Variants in AFTPH observed in about 807,000 individuals in gnomAD.
AFTPH encodes aftiphilin.
Under a neutral mutation model 72.5 loss-of-function variants are expected in AFTPH, and 7 were observed. The observed-to-expected ratio is 0.10, with a 90% CI of 0.05 to 0.18. The LOEUF is 0.18. Among genes scored for constraint, AFTPH ranks in the 10% least tolerant of loss-of-function variants. The probability of loss-of-function intolerance (pLI) is 1.00; values close to 1 mark genes in which losing one functional copy is unlikely to be tolerated. For missense variants in AFTPH, 979 were observed against 1,060.5 expected (o/e 0.92, Z 1.07); for synonymous variants, 337 against 370.1 (o/e 0.91, Z 1.03).
At chr2:64,585,016 T>A (rs1573047350) in intron 7 of AFTPH, among the ~76,000 whole-genome samples, 1 of 152,166 alleles carries the variant, frequency 6.6e-6, no homozygotes, top group African/African-American at 2.4e-5. Flanking sequence ...AACAGGAAAA[T>A]TTTTAAAATG....
At chr2:64,579,646 AT>A (rs1673048311) in intron 7 of AFTPH, 100 bp downstream of exon 7, 1 of 1,087,618 alleles carries the variant, frequency 9.2e-7, no homozygotes, top group Non-Finnish European at 1.4e-6. Context: ...TTGTTTGAAC[AT>A]AACTTATTCT....
At position 64,551,745 on chromosome 2, in the gene AFTPH, G is replaced by A. The variant is rs1215859449; in HGVS notation, c.271G>A (p.Asp91Asn). 5 of 1,613,606 alleles carry A rather than the reference G, an allele frequency of 3.1e-6. No homozygotes were observed. In the African/African-American group the frequency reaches 6.7e-5, roughly 22 times the overall value. The change falls in exon 2 of 9, where the codon GAC becomes AAC. Residue 91 changes from aspartate (D) to asparagine (N), a missense_variant. Asp to Asn is a conservative substitution (Grantham distance 23). Coordinates refer to ENST00000238856, the Ensembl canonical transcript of AFTPH. ...GTCCATTAAAAATGGTAATGATAAGGACATCACTGCTGAACTTTCTGCTCC... is the reference window on the plus strand; with the variant it reads ...GTCCATTAAAAATGGTAATGATAAGAACATCACTGCTGAACTTTCTGCTCC...
chr2:64,583,237 T>C lies in AFTPH; in HGVS notation c.2456-2185T>C, dbSNP rs558140400. Among the ~76,000 whole-genome samples, 30 of 151,592 alleles carry C rather than the reference T, an allele frequency of 2.0e-4. No individual in the cohort carries two copies. In the East Asian group the frequency reaches 5.8e-3, roughly 29 times the overall value. On this transcript the variant is annotated intron_variant, in intron 7 of 8. Transcript: ENST00000238856. ...TGCGGTTATTTAATTATTTTGTGTG[T>C]GAGACTTAGGAGGTTGGCATAGAAC...
chr2:64,580,560 C>T (rs1271065463), intron 7 of AFTPH: 5 of 152,618 alleles, frequency 3.3e-5, no homozygotes, highest in Non-Finnish European at 7.3e-5. Context: ...GTCAAATCAT[C>T]ATGCTTTTTA....
chr2:64,539,887 G>T (rs897276196), intron 1 of AFTPH, among the ~76,000 whole-genome samples: 2 of 152,084 alleles, frequency 1.3e-5, no homozygotes, highest in Non-Finnish European at 2.9e-5. Context: ...AAGAAGCTTG[G>T]TGGTGAGGAG....
At chr2:64,547,215 C>T (rs1172735632) in intron 1 of AFTPH, among the ~76,000 whole-genome samples, 1 of 152,216 alleles carries the variant, frequency 6.6e-6, no homozygotes, top group Non-Finnish European at 1.5e-5. Flanking sequence ...GTTTACTTCT[C>T]ATGTCTCTTT....
intron 3 of AFTPH, among the ~76,000 whole-genome samples, chr2:64,568,390 C>A (rs1486488771): frequency 1.3e-5 from 2 of 152,118 alleles, no homozygotes; most frequent in Non-Finnish European, 2.9e-5. Context: ...CTTGTTCATA[C>A]ACTTGTGATC....
chr2:64,566,113 A>G (rs567853433), intron 2 of AFTPH, among the ~76,000 whole-genome samples: 29 of 152,302 alleles, frequency 1.9e-4, no homozygotes, highest in African/African-American at 6.0e-4. Flanking sequence ...CATGTATCCA[A>G]TTAGGTGGTT....
At chr2:64,592,164 C>A in exon 9 of AFTPH, 2 of 964,308 alleles carry the variant, frequency 2.1e-6, no homozygotes, top group Non-Finnish European at 3.0e-6. Context: ...GTTGGTAAGC[C>A]GCACTAGAAA....
At chr2:64,547,271 T>A (rs1255885956) in intron 1 of AFTPH, among the ~76,000 whole-genome samples, 4 of 152,198 alleles carry the variant, frequency 2.6e-5, no homozygotes, top group African/African-American at 9.6e-5. Context: ...TTTCCTTGAC[T>A]TTCATGAGCT....
chr2:64,550,731 A>ACACACACACACACAC (rs1491549278), intron 1 of AFTPH, among the ~76,000 whole-genome samples: 1 of 146,800 alleles, frequency 6.8e-6, no homozygotes, highest in Non-Finnish European at 1.5e-5. Context: ...ACACACACAC[A>ACACACACACACACAC]ACTGGTGAAA....
intron 2 of AFTPH, among the ~76,000 whole-genome samples, chr2:64,560,200 G>A (rs749657133): frequency 6.6e-6 from 1 of 152,030 alleles, no homozygotes; most frequent in Non-Finnish European, 1.5e-5. Context: ...TTGCACCAGT[G>A]GATAAAGTGA....
intron 5 of AFTPH, among the ~76,000 whole-genome samples, chr2:64,571,275 GTTTC>G (rs1672415716): frequency 8.0e-6 from 1 of 125,750 alleles, no homozygotes; most frequent in African/African-American, 4.7e-5. Context: ...CCACCCCCCT[GTTTC>G]TTTTTCAGTA....
At chr2:64,576,558 A>C (rs984629106) in intron 6 of AFTPH, among the ~76,000 whole-genome samples, 3 of 152,140 alleles carry the variant, frequency 2.0e-5, no homozygotes, top group African/African-American at 7.2e-5. Context: ...AGGTCACACC[A>C]TTGTGCCACT....
intron 1 of AFTPH, among the ~76,000 whole-genome samples, chr2:64,535,933 G>A (rs1669857705): frequency 6.6e-6 from 1 of 152,208 alleles, no homozygotes. Flanking sequence ...CAAGGTATAG[G>A]TTGTGGGATG....
intron 1 of AFTPH, among the ~76,000 whole-genome samples, chr2:64,536,731 T>C (rs1669911934): frequency 6.6e-6 from 1 of 151,382 alleles, no homozygotes; most frequent in South Asian, 2.1e-4. Flanking sequence ...GGTAAGTCAA[T>C]TGCTTGAGCT....
In AFTPH at chr2:64,546,367, G is replaced by A. The variant is rs553040396; in HGVS notation, c.-32-5076G>A. 5.9e-5 allele frequency among the ~76,000 whole-genome samples: 9 copies of A among 152,254 alleles called. No homozygotes were observed. The South Asian group carries it at 1.0e-3, about 18-fold the overall frequency. On this transcript the variant is annotated intron_variant, in intron 1 of 8. Coordinates refer to ENST00000238856, the Ensembl canonical transcript of AFTPH. ...TCTCTAGCAAACGGGGCATAAAGCAGTTTAATACTGTCAAATTTGAGGCTT... is the reference window on the plus strand; with the variant it reads ...TCTCTAGCAAACGGGGCATAAAGCAATTTAATACTGTCAAATTTGAGGCTT...
intron 1 of AFTPH, among the ~76,000 whole-genome samples, chr2:64,528,184 G>T: frequency 6.6e-6 from 1 of 152,176 alleles, no homozygotes; most frequent in East Asian, 1.9e-4. Context: ...CAGTAAATGA[G>T]AATTAATTTA....
At chr2:64,545,455 C>T (rs1015082084) in intron 1 of AFTPH, among the ~76,000 whole-genome samples, 8 of 150,148 alleles carry the variant, frequency 5.3e-5, no homozygotes, top group African/African-American at 7.3e-5. Context: ...TATGTACACA[C>T]ACACTATACA....
Sources: gnomAD v4.1 joint callset for allele counts (sites outside exome capture counted in the v4.1 genomes callset) on GRCh38, gnomAD v4.1.1 for gene constraint, MANE v1.5 for transcripts, NCBI Gene and HGNC (gene_info 2026-07-23, HGNC 2026-07-21) for gene names.